Variants in AKAP7 observed in about 807,000 individuals in gnomAD.
The protein encoded by AKAP7 is A-kinase anchoring protein 7.
Under a neutral mutation model 39.5 loss-of-function variants are expected in AKAP7, and 39 were observed. The ratio of observed to expected loss-of-function variants is 0.99; its 90% CI spans 0.76 to 1.29. The LOEUF (loss-of-function observed/expected upper bound fraction) is 1.29, where lower values mean the gene tolerates loss of function less well. Ranked by LOEUF, AKAP7 falls within the 50% of genes most tolerant of loss-of-function variation. The pLI, the probability that AKAP7 is intolerant of heterozygous loss-of-function variation, is 0.00. For missense variants in AKAP7, 414 were observed against 407.7 expected (o/e 1.02, Z -0.13); for synonymous variants, 140 against 139.1 (o/e 1.01, Z -0.05).
chr6:131,229,379 CG>C (rs1017770568), intron 7 of AKAP7, among the ~76,000 whole-genome samples: 2 of 152,104 alleles, frequency 1.3e-5, no homozygotes, highest in African/African-American at 4.8e-5. Flanking sequence ...GAGTCTGTCT[CG>C]TTGTGTTGCC....
intron 7 of AKAP7, among the ~76,000 whole-genome samples, chr6:131,247,296 TATATATATATATATA>T (rs1812093484): frequency 7.9e-6 from 1 of 126,366 alleles, no homozygotes; most frequent in Non-Finnish European, 1.6e-5. Context: ...TATATATATA[TATATATATATATATA>T]TATGTTTTTT....
intron 5 of AKAP7, among the ~76,000 whole-genome samples, chr6:131,180,355 C>A (rs1284854359): frequency 6.6e-6 from 1 of 152,148 alleles, no homozygotes; most frequent in Non-Finnish European, 1.5e-5. Flanking sequence ...GTCTTTATTA[C>A]CTCCTTTCCC....
intron 7 of AKAP7, among the ~76,000 whole-genome samples, chr6:131,230,811 G>T (rs1810565224): frequency 6.6e-6 from 1 of 152,138 alleles, no homozygotes; most frequent in Non-Finnish European, 1.5e-5. Flanking sequence ...TATGTTTTAA[G>T]ATTCTACATT....
chr6:131,203,518 GTTACT>G (rs1379008318), intron 6 of AKAP7, among the ~76,000 whole-genome samples: 2 of 152,198 alleles, frequency 1.3e-5, no homozygotes, highest in African/African-American at 4.8e-5. Flanking sequence ...TATTTAAAAA[GTTACT>G]TTAATTATAA....
chr6:131,264,336 C>T (rs888028464), intron 7 of AKAP7, among the ~76,000 whole-genome samples: 5 of 152,156 alleles, frequency 3.3e-5, no homozygotes, highest in African/African-American at 1.2e-4. Flanking sequence ...ACTATTTCTG[C>T]TGTGGTCTGT....
upstream of AKAP7, among the ~76,000 whole-genome samples, chr6:131,132,623 C>T (rs9492845): frequency 0.014 from 2,063 of 152,256 alleles, 55 homozygotes; most frequent in African/African-American, 0.047. Flanking sequence ...TTTTGAAAAG[C>T]CTGAGCCAAT....
intron 7 of AKAP7, among the ~76,000 whole-genome samples, chr6:131,261,884 T>G (rs1463893058): frequency 6.6e-6 from 1 of 152,058 alleles, no homozygotes; most frequent in Non-Finnish European, 1.5e-5. Flanking sequence ...CGTAGGGAAT[T>G]AGTTAAGTAA....
At chr6:131,166,966 A>G (rs1043203701) in intron 4 of AKAP7, among the ~76,000 whole-genome samples, 1 of 152,004 alleles carries the variant, frequency 6.6e-6, no homozygotes, top group Non-Finnish European at 1.5e-5. Flanking sequence ...AAAAATCATT[A>G]ATTTCTTGAG....
chr6:131,222,917 A>G (rs1809834700), intron 7 of AKAP7, among the ~76,000 whole-genome samples: 1 of 152,226 alleles, frequency 6.6e-6, no homozygotes, highest in Admixed American at 6.5e-5. Context: ...TCTTATTTTA[A>G]GAAATTGCCA....
intron 7 of AKAP7, among the ~76,000 whole-genome samples, chr6:131,272,130 G>A (rs1232970783): frequency 2.0e-5 from 3 of 152,042 alleles, no homozygotes; most frequent in South Asian, 2.1e-4. Flanking sequence ...TGCCCATTTC[G>A]TCTAGTTTGT....
chr6:131,134,547 A>C (rs1027044736), upstream of AKAP7, among the ~76,000 whole-genome samples: 1 of 152,200 alleles, frequency 6.6e-6, no homozygotes, highest in Non-Finnish European at 1.5e-5. Context: ...CATAAGTAAA[A>C]GACCTGTCTT....
At chr6:131,250,740 ATG>A in intron 7 of AKAP7, 1 of 961,090 alleles carries the variant, frequency 1.0e-6, no homozygotes, top group Non-Finnish European at 1.6e-6. Context: ...ATGGTTTTTA[ATG>A]TGTGTTTCTT....
chr6:131,237,445 C>G (rs1218539287), intron 7 of AKAP7, among the ~76,000 whole-genome samples: 1 of 152,076 alleles, frequency 6.6e-6, no homozygotes, highest in Admixed American at 6.5e-5. Context: ...AGGATTCCCT[C>G]TTTTTCTATT....
At position 131,159,243 on chromosome 6, in the gene AKAP7, GCCAGCACAC is replaced by G. The variant is rs1802709600; in HGVS notation, c.152-810_152-802del. ...TGAGGAGCTGGGACTACAGGTGCCCGCCAGCACACCCAGCTAATTTTTTATATTTTTAGT... is the reference window on the plus strand; with the variant it reads ...TGAGGAGCTGGGACTACAGGTGCCCGCCAGCTAATTTTTTATATTTTTAGT... On this transcript the variant is annotated intron_variant, in intron 2 of 7. Transcript: ENST00000431975. Among the ~76,000 whole-genome samples the G allele has an allele frequency of 2.0e-5, 3 of 151,986 alleles. No homozygotes were observed. In the South Asian group the frequency reaches 6.2e-4, roughly 32 times the overall value.
intron 4 of AKAP7, among the ~76,000 whole-genome samples, chr6:131,167,295 A>G (rs1023591319): frequency 1.3e-5 from 2 of 152,190 alleles, no homozygotes; most frequent in South Asian, 4.1e-4. Context: ...TCTTATTAGC[A>G]CAAATTTACT....
At chr6:131,179,884 TA>T (rs1357667267) in intron 5 of AKAP7, among the ~76,000 whole-genome samples, 8 of 151,260 alleles carry the variant, frequency 5.3e-5, no homozygotes, top group Non-Finnish European at 8.8e-5. Flanking sequence ...AATAAATAAA[TA>T]AATAAATAAA....
chr6:131,156,542 G>A (rs974725588), intron 2 of AKAP7, among the ~76,000 whole-genome samples: 2 of 152,032 alleles, frequency 1.3e-5, no homozygotes, highest in African/African-American at 4.8e-5. Flanking sequence ...GAGAGGCTGA[G>A]GTGGGAGGAT....
At chr6:131,164,326 T>C (rs192388585) in intron 3 of AKAP7, 3 of 454,378 alleles carry the variant, frequency 6.6e-6, no homozygotes, top group Non-Finnish European at 1.3e-5. Flanking sequence ...TACTCACATT[T>C]AGAAGTTGAC....
intron 5 of AKAP7, among the ~76,000 whole-genome samples, chr6:131,170,475 C>T (rs1165476987): frequency 1.3e-5 from 2 of 152,150 alleles, no homozygotes; most frequent in African/African-American, 4.8e-5. Flanking sequence ...GGCCTTCCTC[C>T]AATTAAGTTC....
Sources: allele counts gnomAD v4.1 joint callset (sites outside exome capture counted in the v4.1 genomes callset), GRCh38; gene constraint gnomAD v4.1.1; transcripts MANE v1.5; gene names NCBI Gene and HGNC (gene_info 2026-07-23, HGNC 2026-07-21).